The following DRD4 variants were observed in gnomAD, a reference collection of about 807,000 sequenced individuals.
DRD4 encodes D(4) dopamine receptor.
Under a neutral mutation model 22.1 loss-of-function variants are expected in DRD4, and 26 were observed. The ratio of observed to expected loss-of-function variants is 1.17; its 90% CI spans 0.86 to 1.63. The LOEUF (loss-of-function observed/expected upper bound fraction) is 1.63, where lower values mean the gene tolerates loss of function less well. Ranked by LOEUF, DRD4 falls within the 40% of genes most tolerant of loss-of-function variation. DRD4 has a pLI of 0.00. For missense variants in DRD4, 913 were observed against 632.4 expected (o/e 1.44, Z -4.76); for synonymous variants, 455 against 306.7 (o/e 1.48, Z -5.05).
chr11:639,878 T>C lies in DRD4; in HGVS notation c.629T>C (p.Leu210Pro). Residue 210 changes from leucine (L) to proline (P), a missense_variant, in exon 3 of 4, where the codon CTG becomes CCG. By Grantham distance (98) the Leu-to-Pro change is moderately conservative. Coordinates refer to ENST00000176183, the MANE Select transcript of DRD4 (RefSeq NM_000797.4). Reference protein sequence around the residue: ...SFFLPCPLMLLLYWATFRGLQ... With the variant: ...SFFLPCPLMLPLYWATFRGLQ... ...TTCCTACCCTGCCCGCTCATGCTGC[T>C]GCTCTACTGGGCCACGTTCCGCGGC... is the stretch of plus-strand genomic sequence containing the variant. 2 of 1,582,826 alleles carry C rather than the reference T, an allele frequency of 1.3e-6. No homozygotes were observed. The highest frequency in any genetic ancestry group is 1.7e-6 in the Non-Finnish European group (2 of 1,172,200).
In DRD4 at chr11:637,581, T is replaced by A; in HGVS notation, c.277T>A (p.Tyr93Asn). The change falls in exon 1 of 4, where the codon TAC (tyrosine) becomes AAC (asparagine). Residue 93 changes from tyrosine to asparagine, a missense_variant. Tyr to Asn is a moderately radical substitution (Grantham distance 143). Transcript: ENST00000176183. Reference sequence around the variant, plus strand: ...TCTCCTGGTGCTGCCGCTCTTCGTCTACTCCGAGGTGAGCCGCGTCCGGCC... The same window carrying A: ...TCTCCTGGTGCTGCCGCTCTTCGTCAACTCCGAGGTGAGCCGCGTCCGGCC... ...LALLVLPLFV[Y>N]SEVQGGAWLL... The A allele has an allele frequency of 6.5e-7, 1 of 1,549,296 alleles. No individual in the cohort carries two copies.
At chr11:638,425 GT>G (rs1303644564) in intron 1 of DRD4, among the ~76,000 whole-genome samples, 1 of 152,216 alleles carries the variant, frequency 6.6e-6, no homozygotes, top group Non-Finnish European at 1.5e-5. Context: ...CAGTGACGAC[GT>G]TTAAGCTCCT....
intron 1 of DRD4, chr11:639,223 C>A: frequency 1.7e-6 from 1 of 578,312 alleles, no homozygotes; most frequent in Non-Finnish European, 3.1e-6. Flanking sequence ...CCACAGCACT[C>A]CAGCCGCGGT....
intron 1 of DRD4, among the ~76,000 whole-genome samples, chr11:638,745 G>A (rs1395184606): frequency 2.0e-5 from 3 of 152,102 alleles, no homozygotes; most frequent in African/African-American, 4.8e-5. Context: ...CTTTGAGCCC[G>A]ATGATATCAG....
Position 640,260 on chromosome 11 carries a change from C to G in DRD4, c.1011C>G (p.Ile337Met). Residue 337 changes from isoleucine (I) to methionine (M), a missense_variant, in exon 3 of 4, where the codon ATC becomes ATG. Physicochemically the swap from Ile to Met is conservative, Grantham distance 10. Transcript: ENST00000176183. ...PQTRRRRRAK[I>M]TGRERKAMRV... ...CCCGCAGGAGGCGGCGTGCCAAGAT[C>G]ACCGGCCGGGAGCGCAAGGCCATGA... 1 of 1,533,700 alleles carries G rather than the reference C, an allele frequency of 6.5e-7. No homozygotes were observed. The highest frequency in any genetic ancestry group is 8.7e-7 in the Non-Finnish European group (1 of 1,146,736).
In DRD4 at chr11:640,321, TGAGGGGCGGGGAGGA is replaced by T. The variant is rs774197789; in HGVS notation, c.1057+20_1057+34del. The T allele has an allele frequency of 2.0e-6, 3 of 1,485,564 alleles. No individual in the cohort carries two copies. Among genetic ancestry groups the T allele is most frequent in the Non-Finnish European group, 2.7e-6 (3 of 1,100,252 alleles). The allele number at this position is 1,485,564 out of a possible 1,614,324, so 92.0% of individuals were successfully genotyped here. A position where few individuals can be genotyped will look rare whatever the true frequency, so the allele number is the denominator to read the frequency against. ...GGTGGTGGTCGGTGGGTTCCTGTCC[TGAGGGGCGGGGAGGA>T]GAGGAGGGGGGGGGTACGAGGCCGG... is the stretch of plus-strand genomic sequence containing the variant. On this transcript the variant is annotated intron_variant, in intron 3 of 3. Coordinates refer to ENST00000176183, the MANE Select transcript of DRD4 (RefSeq NM_000797.4).
chr11:639,982 T>TC lies in DRD4; in HGVS notation c.738dup (p.Thr247HisfsTer203), dbSNP rs1204801321. 1.0e-4 allele frequency: 137 copies of TC among 1,329,686 alleles called. No homozygotes were observed. Among genetic ancestry groups the TC allele is most frequent in the Non-Finnish European group, 1.3e-4 (133 of 1,051,038 alleles). 82.4% of individuals were successfully genotyped at this position (1,329,686 alleles called of 1,614,324 possible). A position where few individuals can be genotyped will look rare whatever the true frequency, so the allele number is the denominator to read the frequency against. ...CCGACCCAGCGGCCCTGGCCCGCCT[T>TC]CCCCCACGCCACCCGCGCCCCGCCT... On this transcript the variant is annotated frameshift_variant, in exon 3 of 4. Coordinates refer to ENST00000176183, the MANE Select transcript of DRD4 (RefSeq NM_000797.4). LOFTEE classifies it high-confidence loss of function.
At position 637,486 on chromosome 11, in the gene DRD4, C is replaced by G. The variant is rs1361983593; in HGVS notation, c.182C>G (p.Thr61Ser). 6.5e-7 allele frequency: 1 copy of G among 1,545,218 alleles called. No individual in the cohort carries two copies. ...GNSLVCVSVATERALQTPTNS... is the reference protein window; with the variant it reads ...GNSLVCVSVASERALQTPTNS... Reference sequence around the variant, plus strand: ...TCGCTCGTGTGCGTGAGCGTGGCCACCGAGCGCGCCCTGCAGACGCCCACC... The same window carrying G: ...TCGCTCGTGTGCGTGAGCGTGGCCAGCGAGCGCGCCCTGCAGACGCCCACC... Residue 61 changes from threonine to serine, a missense_variant, in exon 1 of 4, where the codon ACC (threonine) becomes AGC (serine). Transcript: ENST00000176183.
intron 1 of DRD4, chr11:639,090 C>T (rs985932000): frequency 1.6e-5 from 5 of 303,554 alleles, no homozygotes; most frequent in Admixed American, 9.0e-5. Flanking sequence ...TCTCAAAAAA[C>T]AAAAAGAAAA....
chr11:639,881 T>C lies in DRD4; in HGVS notation c.632T>C (p.Leu211Pro). The C allele has an allele frequency of 6.3e-7, 1 of 1,582,164 alleles. No homozygotes were observed. The highest frequency in any genetic ancestry group is 8.5e-7 in the Non-Finnish European group (1 of 1,172,084). ...CTACCCTGCCCGCTCATGCTGCTGC[T>C]CTACTGGGCCACGTTCCGCGGCCTG... ...FFLPCPLMLLLYWATFRGLQR... is the reference protein window; with the variant it reads ...FFLPCPLMLLPYWATFRGLQR... The change falls in exon 3 of 4, where the codon CTC becomes CCC. Residue 211 changes from leucine (L) to proline (P), a missense_variant. Coordinates refer to ENST00000176183, the MANE Select transcript of DRD4 (RefSeq NM_000797.4).
At chr11:639,270 C>A (rs1858140896) in intron 1 of DRD4, 163 bp from the exon 2 acceptor site, 1 of 663,056 alleles carries the variant, frequency 1.5e-6, no homozygotes, top group Non-Finnish European at 2.7e-6. Flanking sequence ...AAAGGGAGAT[C>A]TGCGTGGGGA....
At position 639,762 on chromosome 11, in the gene DRD4, G is replaced by A. The variant is rs560829733; in HGVS notation, c.513G>A (p.Leu171=). 4.2e-4 allele frequency: 657 copies of A among 1,571,568 alleles called. 14 individuals are homozygous for A. In the South Asian group the frequency reaches 6.2e-3, roughly 15 times the overall value. The change falls in exon 3 of 4, where the codon CTG becomes CTA. Residue 171 remains leucine, a synonymous_variant. Coordinates refer to ENST00000176183, the MANE Select transcript of DRD4 (RefSeq NM_000797.4). ...CCGCGGCGGTGGCGGCGCCCGTACTGTGCGGCCTCAACGACGTGCGCGGCC... is the reference window on the plus strand; with the variant it reads ...CCGCGGCGGTGGCGGCGCCCGTACTATGCGGCCTCAACGACGTGCGCGGCC... ...LLSAAVAAPV[L]CGLNDVRGRD... is the part of the protein sequence containing the mutation.
At chr11:637,683 T>C (rs947151797) in intron 1 of DRD4, 94 bp downstream of exon 1, 34 of 1,527,780 alleles carry the variant, frequency 2.2e-5, no homozygotes, top group Non-Finnish European at 2.8e-5. Context: ...GGCCCCTTTC[T>C]GGTGCGGAGC....
rs1325195483 is a variant in DRD4, at chr11:640,263, C to T, written c.1014C>T (p.Thr338=). Residue 338 remains threonine, a synonymous_variant, in exon 3 of 4, where the codon ACC becomes ACT. Transcript: ENST00000176183. ...GCAGGAGGCGGCGTGCCAAGATCACCGGCCGGGAGCGCAAGGCCATGAGGG... is the reference window on the plus strand; with the variant it reads ...GCAGGAGGCGGCGTGCCAAGATCACTGGCCGGGAGCGCAAGGCCATGAGGG... ...QTRRRRRAKI[T]GRERKAMRVL... is the part of the protein sequence containing the mutation. The T allele has an allele frequency of 2.0e-6, 3 of 1,533,582 alleles. No individual in the cohort carries two copies. The highest frequency in any genetic ancestry group is 1.2e-5 in the South Asian group (1 of 83,980). The allele number at this position is 1,533,582 out of a possible 1,614,324, so 95.0% of individuals were successfully genotyped here. A position where few individuals can be genotyped will look rare whatever the true frequency, so the allele number is the denominator to read the frequency against.
intron 1 of DRD4, among the ~76,000 whole-genome samples, chr11:638,698 C>G (rs775969803): frequency 6.6e-6 from 1 of 152,096 alleles, no homozygotes; most frequent in Non-Finnish European, 1.5e-5. Context: ...CTAGGCCCAG[C>G]GGGGACCCTG....
Position 637,412 on chromosome 11 carries a change from G to A in DRD4, c.108G>A (p.Ala36=), listed in dbSNP as rs750500034. 203 of 1,499,024 alleles carry A rather than the reference G, an allele frequency of 1.4e-4. No homozygotes were observed. The highest frequency in any genetic ancestry group is 5.9e-4 in the East Asian group (22 of 37,190). 92.9% of individuals were successfully genotyped at this position (1,499,024 alleles called of 1,614,324 possible). The change falls in exon 1 of 4, where the codon GCG becomes GCA. Residue 36 remains alanine (A), a synonymous_variant. Transcript: ENST00000176183. The stretch of plus-strand genomic sequence containing the variant: ...CGGGGCTGGCTGGGCAGGGCGCGGC[G>A]GCGCTGGTGGGGGGCGTGCTGCTCA... The part of the protein sequence containing the change: ...ASAGLAGQGA[A]ALVGGVLLIG...
chr11:639,507 C>T lies in DRD4; in HGVS notation c.360C>T (p.Thr120=), dbSNP rs772730633. The part of the protein sequence containing the change: ...ALMAMDVMLC[T]ASIFNLCAIS... ...TGGCCATGGACGTCATGCTGTGCAC[C>T]GCCTCCATCTTCAACCTGTGCGCCA... Residue 120 remains threonine, a synonymous_variant, in exon 2 of 4, where the codon ACC becomes ACT. Coordinates refer to ENST00000176183, the MANE Select transcript of DRD4 (RefSeq NM_000797.4). The T allele has an allele frequency of 2.4e-5, 39 of 1,602,908 alleles. No homozygotes were observed. The highest frequency in any genetic ancestry group is 1.0e-4 in the Admixed American group (6 of 59,866).
chr11:640,115 C>G lies in DRD4; in HGVS notation c.866C>G (p.Pro289Arg). The change falls in exon 3 of 4, where the codon CCC becomes CGC. Residue 289 changes from proline to arginine, a missense_variant. Coordinates refer to ENST00000176183, the MANE Select transcript of DRD4 (RefSeq NM_000797.4). ...GCCGCGCCCAGCCTCCCCCAGGACC[C>G]CTGCGGCCCCGACTGTGCGCCCCCC... is the stretch of plus-strand genomic sequence containing the variant. ...APAAPSLPQD[P>R]CGPDCAPPAP... 2.2e-6 allele frequency: 3 copies of G among 1,379,290 alleles called. No homozygotes were observed. Among genetic ancestry groups the G allele is most frequent in the Non-Finnish European group, 2.8e-6 (3 of 1,061,394 alleles). 85.4% of individuals were successfully genotyped at this position (1,379,290 alleles called of 1,614,324 possible).
chr11:637,639 C>G, intron 1 of DRD4, 50 bp downstream of exon 1: 1 of 1,535,966 alleles, frequency 6.5e-7, no homozygotes. Flanking sequence ...CTCGGTTCCC[C>G]GTCCCTGTCC....
Sources: gnomAD v4.1 joint callset for allele counts (sites outside exome capture counted in the v4.1 genomes callset) on GRCh38, gnomAD v4.1.1 for gene constraint, MANE v1.5 for transcripts, NCBI Gene and HGNC (gene_info 2026-07-23, HGNC 2026-07-21) for gene names.